The following AVEN variants were observed in gnomAD, a reference collection of about 807,000 sequenced individuals.
AVEN encodes apoptosis and caspase activation inhibitor, also known as cell death regulator Aven.
In AVEN, 41 loss-of-function variants were observed where a neutral mutation model predicts 38.1. That is an observed-to-expected ratio of 1.08 (90% CI 0.84 to 1.40). The LOEUF is 1.40. Ranked by LOEUF, AVEN falls within the 40% of genes most tolerant of loss-of-function variation. The pLI is 0.00. For missense variants in AVEN, 605 were observed against 438.8 expected (o/e 1.38, Z -3.38); for synonymous variants, 206 against 171.8 (o/e 1.20, Z -1.56).
At position 33,875,859 on chromosome 15, in the gene AVEN, G is replaced by C. The variant is rs530806670; in HGVS notation, c.516+66C>G. 2.1e-6 allele frequency: 3 copies of C among 1,408,874 alleles called. No individual in the cohort carries two copies. The African/African-American group carries it at 4.3e-5, about 20-fold the overall frequency. The allele number at this position is 1,408,874 out of a possible 1,614,324, so 87.3% of individuals were successfully genotyped here. A position where few individuals can be genotyped will look rare whatever the true frequency, so the allele number is the denominator to read the frequency against. ...TACATGAAGACTCTATCTCAAGAACGTAAAAGGTGTTAGCCTTCAGCCTTG... is the reference window on the plus strand; with the variant it reads ...TACATGAAGACTCTATCTCAAGAACCTAAAAGGTGTTAGCCTTCAGCCTTG... On this transcript the variant is annotated intron_variant, in intron 3 of 5. Coordinates refer to ENST00000306730, the MANE Select transcript of AVEN (RefSeq NM_020371.3).
rs1381411256 is a variant in AVEN at position 34,073,986 on chromosome 15, C to CTTTTTTTTTTTT, written n.720+449_720+450insAAAAAAAAAAAA. Among the ~76,000 whole-genome samples, 279 of 112,178 alleles carry CTTTTTTTTTTTT rather than the reference C, an allele frequency of 2.5e-3. 71 individuals are homozygous for CTTTTTTTTTTTT. The highest frequency in any genetic ancestry group is 0.01 in the African/African-American group (253 of 24,260). 73.6% of individuals were successfully genotyped at this position (112,178 alleles called of 152,430 possible). A position where few individuals can be genotyped will look rare whatever the true frequency, so the allele number is the denominator to read the frequency against. ...TGGAGGAACTTTCTTTTTTCTTCTTCTTCTTTTTTTTTTTTTTTTTTTTTT... is the reference window on the plus strand; with the variant it reads ...TGGAGGAACTTTCTTTTTTCTTCTTCTTTTTTTTTTTTTTCTTTTTTTTTTTTTTTTTTTTTT... On this transcript the variant is annotated intron_variant and non_coding_transcript_variant, in intron 1 of 11. Coordinates refer to the AVEN transcript ENST00000675287.
In AVEN at chr15:33,867,630, C is replaced by T; in HGVS notation, c.838G>A (p.Asp280Asn). ...AGATCTAGTTCTTCTTCCAAATGGT[C>T]TCCTGCTGACTGCAGTGGGGAAGTG... The part of the protein sequence containing the change: ...KPTSPLQSAG[D>N]HLEEELDLLL... The change falls in exon 5 of 6, where the codon GAC becomes AAC. Residue 280 changes from aspartate to asparagine, a missense_variant. Coordinates refer to ENST00000306730, the MANE Select transcript of AVEN (RefSeq NM_020371.3). 1 of 1,614,194 alleles carries T rather than the reference C, an allele frequency of 6.2e-7. No individual in the cohort carries two copies. The highest frequency in any genetic ancestry group is 8.5e-7 in the Non-Finnish European group (1 of 1,180,038).
intron 2 of AVEN, among the ~76,000 whole-genome samples, chr15:33,990,117 T>G (rs1896655399): frequency 1.3e-5 from 2 of 151,864 alleles, no homozygotes; most frequent in Non-Finnish European, 2.9e-5. Flanking sequence ...GGCAGGAGAA[T>G]CACTTGAACC....
chr15:33,855,560 T>C (rs2079564929), downstream of AVEN, among the ~76,000 whole-genome samples: 1 of 151,898 alleles, frequency 6.6e-6, no homozygotes, highest in Non-Finnish European at 1.5e-5. Flanking sequence ...TCCCTGGGGG[T>C]TAGCAAGTAG....
chr15:34,068,003 T>C (rs481391), intron 2 of AVEN, among the ~76,000 whole-genome samples: 72,185 of 152,126 alleles, frequency 0.47, 20,698 homozygotes, highest in Non-Finnish European at 0.65. Context: ...AACAAAACTT[T>C]TTTGAAATCA....
At chr15:33,852,182 C>G in the AVEN span, 1 of 151,976 alleles carries the variant, frequency 6.6e-6, no homozygotes, top group Non-Finnish European at 1.5e-5. Context: ...TAAAGGAAAA[C>G]AAAAGTAAGA....
intron 5 of AVEN, among the ~76,000 whole-genome samples, chr15:34,062,189 G>A (rs1343298540): frequency 6.6e-6 from 1 of 152,158 alleles, no homozygotes; most frequent in African/African-American, 2.4e-5. Flanking sequence ...TTAAAAATAG[G>A]TGATCAAACT....
At chr15:34,066,124 T>C (rs541098) in exon 4 of AVEN, 118,402 of 152,212 alleles carry the variant, frequency 0.78, 46,325 homozygotes, top group East Asian at 0.96. Context: ...TTGTAAGCAG[T>C]GCATCTGCTG....
chr15:33,864,186 T>C, downstream of AVEN: 1 of 1,610,464 alleles, frequency 6.2e-7, no homozygotes, highest in South Asian at 1.1e-5. Flanking sequence ...AGCACACGGG[T>C]CAGGTGAGAA....
chr15:33,876,732 G>GA (rs1258027731), intron 2 of AVEN, among the ~76,000 whole-genome samples: 1 of 152,152 alleles, frequency 6.6e-6, no homozygotes, highest in Admixed American at 6.5e-5. Flanking sequence ...CACCTGGTCA[G>GA]AATGTCAAAC....
At chr15:33,915,218 G>A (rs780006512) in intron 2 of AVEN, among the ~76,000 whole-genome samples, 5 of 152,124 alleles carry the variant, frequency 3.3e-5, no homozygotes, top group African/African-American at 4.8e-5. Context: ...GACTCACATC[G>A]TGAACTTTTG....
At chr15:33,933,017 G>GC (rs373251216) in intron 2 of AVEN, among the ~76,000 whole-genome samples, 1 of 151,342 alleles carries the variant, frequency 6.6e-6, no homozygotes, top group Non-Finnish European at 1.5e-5. Flanking sequence ...GTGGGAGAAG[G>GC]GTAGCAAAAC....
intron 2 of AVEN, among the ~76,000 whole-genome samples, chr15:33,879,599 T>C (rs1597184327): frequency 6.6e-6 from 1 of 152,056 alleles, no homozygotes; most frequent in East Asian, 1.9e-4. Context: ...TCGAAAATAA[T>C]AACATGCAAA....
At chr15:33,888,228 C>T (rs148229890) in intron 2 of AVEN, among the ~76,000 whole-genome samples, 7 of 152,144 alleles carry the variant, frequency 4.6e-5, no homozygotes, top group East Asian at 1.9e-4. Context: ...TAGTGCCATA[C>T]CCTAATGAGT....
intron 2 of AVEN, among the ~76,000 whole-genome samples, chr15:33,920,371 T>C (rs796405477): frequency 7.9e-5 from 12 of 152,304 alleles, no homozygotes; most frequent in African/African-American, 2.9e-4. Context: ...GCAACCACCA[T>C]TCTACTGCTT....
intron 11 of AVEN, chr15:33,860,783 C>A: frequency 1.3e-6 from 1 of 791,140 alleles, no homozygotes; most frequent in African/African-American, 1.8e-5. Context: ...AGTTTGTTTT[C>A]CATGCCCTGT....
chr15:33,855,932 TGACA>T (rs2079611712), downstream of AVEN: 2 of 152,184 alleles, frequency 1.3e-5, no homozygotes, highest in African/African-American at 2.4e-5. Flanking sequence ...AGTCTGTGTA[TGACA>T]GACAGGCTTC....
At chr15:33,979,056 G>C (rs974780943) in intron 2 of AVEN, among the ~76,000 whole-genome samples, 1 of 152,124 alleles carries the variant, frequency 6.6e-6, no homozygotes, top group Admixed American at 6.5e-5. Context: ...TGACATACTT[G>C]AGAATATTCC....
chr15:34,030,665 G>A (rs1359133198), intron 1 of AVEN, among the ~76,000 whole-genome samples: 1 of 151,984 alleles, frequency 6.6e-6, no homozygotes, highest in Non-Finnish European at 1.5e-5. Context: ...GTCTCGGGCT[G>A]TCATCCAGGC....
Sources: allele counts gnomAD v4.1 joint callset (sites outside exome capture counted in the v4.1 genomes callset), GRCh38; gene constraint gnomAD v4.1.1; transcripts MANE v1.5; gene names NCBI Gene and HGNC (gene_info 2026-07-23, HGNC 2026-07-21).